Variants in XKR4 observed in about 807,000 individuals in gnomAD.
The protein encoded by XKR4 is XK-related protein 4.
XKR4 carries 12 observed loss-of-function variants against 53.9 expected under a neutral mutation model. The observed-to-expected ratio is 0.22, with a 90% CI of 0.14 to 0.36. XKR4 has a LOEUF of 0.36. XKR4 is among the 10% of genes least tolerant of loss of function. XKR4 has a pLI of 1.00. For missense variants in XKR4, 799 were observed against 859.5 expected (o/e 0.93, Z 0.88); for synonymous variants, 354 against 362.4 (o/e 0.98, Z 0.26).
At position 55,524,116 on chromosome 8, in the gene XKR4, A is replaced by C. The variant is rs1233140189; in HGVS notation, c.1842A>C (p.Arg614=). ...YPAWERHVLD[R]SLRKAILAFE... is the part of the protein sequence containing the mutation. ...CATGGGAGAGACATGTTTTGGACCG[A>C]AGCCTCCGAAAGGCTATTTTAGCTT... Residue 614 remains arginine, a synonymous_variant, in exon 3 of 3, where the codon CGA becomes CGC. Transcript: ENST00000327381. The C allele has an allele frequency of 6.2e-7, 1 of 1,614,202 alleles. No homozygotes were observed. Among genetic ancestry groups the C allele is most frequent in the Non-Finnish European group, 8.5e-7 (1 of 1,180,036 alleles).
At chr8:55,354,462 A>G (rs1438770053) in intron 1 of XKR4, among the ~76,000 whole-genome samples, 2 of 152,210 alleles carry the variant, frequency 1.3e-5, no homozygotes, top group African/African-American at 4.8e-5. Context: ...AGAATGTCCA[A>G]ATAAAAGGGG....
intron 2 of XKR4, among the ~76,000 whole-genome samples, chr8:55,502,617 T>A (rs113141745): frequency 2.7e-5 from 4 of 150,586 alleles, no homozygotes; most frequent in Non-Finnish European, 4.4e-5. Flanking sequence ...AGTTTTTTTT[T>A]AATATATCTT....
At chr8:55,475,385 TTTGTTGTTGTTG>T (rs60246172) in intron 2 of XKR4, among the ~76,000 whole-genome samples, 1 of 149,480 alleles carries the variant, frequency 6.7e-6, no homozygotes, top group Non-Finnish European at 1.5e-5. Flanking sequence ...TTTTGCTTAT[TTTGTTGTTGTTG>T]TTGTTGTTGT....
intron 1 of XKR4, among the ~76,000 whole-genome samples, chr8:55,256,409 T>C (rs1818439325): frequency 6.6e-6 from 1 of 152,214 alleles, no homozygotes; most frequent in Non-Finnish European, 1.5e-5. Context: ...TCTGGGAAAC[T>C]ATTCAGTGGC....
At chr8:55,263,447 G>T in intron 1 of XKR4, among the ~76,000 whole-genome samples, 1 of 152,070 alleles carries the variant, frequency 6.6e-6, no homozygotes, top group East Asian at 1.9e-4. Context: ...TTTTCCTTAG[G>T]GTCAGCCAGA....
At chr8:55,302,513 T>G (rs1819217371) in intron 1 of XKR4, among the ~76,000 whole-genome samples, 1 of 152,082 alleles carries the variant, frequency 6.6e-6, no homozygotes, top group African/African-American at 2.4e-5. Flanking sequence ...TTTCAAGTAG[T>G]TTTTTCCAAT....
intron 1 of XKR4, among the ~76,000 whole-genome samples, chr8:55,328,033 C>T (rs771495986): frequency 1.3e-4 from 19 of 151,938 alleles, no homozygotes; most frequent in East Asian, 3.9e-4. Context: ...AAAAAATACC[C>T]GAGACTGCAT....
intron 1 of XKR4, among the ~76,000 whole-genome samples, chr8:55,345,641 G>T (rs779203015): frequency 6.6e-6 from 1 of 152,184 alleles, no homozygotes; most frequent in Non-Finnish European, 1.5e-5. Context: ...TTCTTGGAAG[G>T]CCCTGTGCAT....
intron 1 of XKR4, among the ~76,000 whole-genome samples, chr8:55,120,955 G>A (rs1422362953): frequency 2.0e-5 from 3 of 152,146 alleles, no homozygotes; most frequent in African/African-American, 7.2e-5. Context: ...TCGTGTAGTT[G>A]GAATCATATA....
chr8:55,170,377 GC>G (rs1817141488), intron 1 of XKR4, among the ~76,000 whole-genome samples: 1 of 152,154 alleles, frequency 6.6e-6, no homozygotes, highest in Non-Finnish European at 1.5e-5. Context: ...CAAGAGGGAG[GC>G]AGGAATGGGG....
chr8:55,438,991 T>A (rs1309769598), intron 2 of XKR4, among the ~76,000 whole-genome samples: 1 of 152,090 alleles, frequency 6.6e-6, no homozygotes, highest in African/African-American at 2.4e-5. Flanking sequence ...GTGGGAAAAC[T>A]AGGACGGGGG....
intron 1 of XKR4, chr8:55,135,669 G>T (rs760507114): frequency 4.0e-4 from 183 of 456,098 alleles, no homozygotes; most frequent in African/African-American, 3.4e-3. Context: ...AAAACAGGGA[G>T]AGTAAAGTCA....
intron 1 of XKR4, among the ~76,000 whole-genome samples, chr8:55,110,638 A>G (rs1816218696): frequency 6.6e-6 from 1 of 152,182 alleles, no homozygotes; most frequent in Admixed American, 6.5e-5. Context: ...GTGAATCGCT[A>G]GTTACACTCT....
intron 1 of XKR4, among the ~76,000 whole-genome samples, chr8:55,329,561 G>A (rs186245584): frequency 6.6e-6 from 1 of 152,212 alleles, no homozygotes; most frequent in Non-Finnish European, 1.5e-5. Flanking sequence ...CTAAATAAAA[G>A]GGAACATAAT....
chr8:55,279,614 G>A (rs1304590201), intron 1 of XKR4, among the ~76,000 whole-genome samples: 2 of 152,184 alleles, frequency 1.3e-5, no homozygotes, highest in Non-Finnish European at 2.9e-5. Context: ...TGGTTTGAAA[G>A]CTTCCTCTGA....
At chr8:55,257,324 T>G (rs1818451906) in intron 1 of XKR4, among the ~76,000 whole-genome samples, 1 of 151,784 alleles carries the variant, frequency 6.6e-6, no homozygotes, top group Non-Finnish European at 1.5e-5. Flanking sequence ...TATCCACAGT[T>G]GAAAATTTAA....
chr8:55,341,742 T>C (rs972070870), intron 1 of XKR4, among the ~76,000 whole-genome samples: 1 of 152,176 alleles, frequency 6.6e-6, no homozygotes, highest in Non-Finnish European at 1.5e-5. Context: ...TTCAAACTCT[T>C]GGCCTTGGGA....
intron 2 of XKR4, among the ~76,000 whole-genome samples, chr8:55,366,776 T>C (rs796797743): frequency 5.3e-5 from 8 of 152,316 alleles, no homozygotes; most frequent in African/African-American, 1.9e-4. Flanking sequence ...CACTACCACC[T>C]GCTCAATCAC....
intron 1 of XKR4, among the ~76,000 whole-genome samples, chr8:55,131,163 A>AAACAACAACAACAACAACAAC (rs56967446): frequency 0.052 from 7,777 of 150,268 alleles, 236 homozygotes; most frequent in Admixed American, 0.069. Flanking sequence ...GCTGTCTCAA[A>AAACAACAACAACAACAACAAC]AACAACAACA....
Sources: allele counts gnomAD v4.1 joint callset (sites outside exome capture counted in the v4.1 genomes callset), GRCh38; gene constraint gnomAD v4.1.1; transcripts MANE v1.5; gene names NCBI Gene and HGNC (gene_info 2026-07-23, HGNC 2026-07-21).